ACER3: variants seen among roughly 807,000 people sequenced by gnomAD.
The protein encoded by ACER3 is alkCDase 3.
Under a neutral mutation model 48.9 loss-of-function variants are expected in ACER3, and 16 were observed. The observed-to-expected ratio is 0.33, with a 90% confidence interval of 0.22 to 0.50. The LOEUF (loss-of-function observed/expected upper bound fraction) is 0.50. Among genes scored for constraint, ACER3 ranks in the 20% least tolerant of loss-of-function variants. The pLI is 0.98. For missense variants in ACER3, 227 were observed against 326.0 expected (o/e 0.70, Z 2.34); for synonymous variants, 109 against 107.8 (o/e 1.01, Z -0.07).
At chr11:77,005,867 CAT>C (rs1263785000) in intron 7 of ACER3, among the ~76,000 whole-genome samples, 2 of 149,518 alleles carry the variant, frequency 1.3e-5, no homozygotes, top group Non-Finnish European at 3.0e-5. Flanking sequence ...ATGACTTCAA[CAT>C]ATCTTTTTTA....
rs782027361 is a variant in ACER3 at position 77,015,004 on chromosome 11, T to TC, written c.498-5dup. ...AAAATTTTATTTTGCTTTTCTGTTT[T>TC]CCCCCCCACAGGGTTTATCCATGGC... On this transcript the variant is annotated splice_polypyrimidine_tract_variant and intron_variant, in intron 7 of 10. Coordinates refer to ENST00000532485, the MANE Select transcript of ACER3 (RefSeq NM_018367.7). The TC allele has an allele frequency of 1.6e-4, 231 of 1,484,686 alleles. 2 individuals are homozygous for TC. Among genetic ancestry groups the TC allele is most frequent in the South Asian group, 4.0e-4 (35 of 86,812 alleles). 92.0% of individuals were successfully genotyped at this position (1,484,686 alleles called of 1,614,324 possible).
intron 1 of ACER3, among the ~76,000 whole-genome samples, chr11:76,922,895 TC>T (rs1946723198): frequency 6.6e-6 from 1 of 152,180 alleles, no homozygotes; most frequent in African/African-American, 2.4e-5. Context: ...CTTAATAGGC[TC>T]AGCATATTTT....
chr11:76,940,975 CTGAGT>C (rs1380504325), intron 2 of ACER3, among the ~76,000 whole-genome samples: 2 of 151,548 alleles, frequency 1.3e-5, no homozygotes, highest in African/African-American at 2.4e-5. Context: ...GAATTTTACA[CTGAGT>C]TAAGTCTCCC....
chr11:77,010,734 T>C (rs1361739698), intron 7 of ACER3, among the ~76,000 whole-genome samples: 1 of 152,104 alleles, frequency 6.6e-6, no homozygotes, highest in African/African-American at 2.4e-5. Flanking sequence ...TCCAGAAGTA[T>C]ATAAGTTGAG....
chr11:76,877,929 C>CT (rs35466435), intron 1 of ACER3, among the ~76,000 whole-genome samples: 18 of 149,334 alleles, frequency 1.2e-4, no homozygotes, highest in African/African-American at 4.0e-4. Context: ...CCACAGCTTG[C>CT]TTTTTTTTTT....
chr11:77,026,719 A>G lies in ACER3; in HGVS notation c.*6392A>G, dbSNP rs1555025796. ...GATAATGTATTTTTTCCTGTCTGCT[A>G]TAATGGAGACTATATTTCTGCATTC... is the stretch of plus-strand genomic sequence containing the variant. On this transcript the variant is annotated 3_prime_UTR_variant, in exon 11 of 11. Transcript: ENST00000532485. 2 of 151,946 alleles carry G rather than the reference A, an allele frequency of 1.3e-5. No individual in the cohort carries two copies. Among genetic ancestry groups the G allele is most frequent in the Non-Finnish European group, 2.9e-5 (2 of 68,044 alleles). 9.4% of individuals were successfully genotyped at this position (151,946 alleles called of 1,614,324 possible). A position where few individuals can be genotyped will look rare whatever the true frequency, so the allele number is the denominator to read the frequency against.
intron 1 of ACER3, among the ~76,000 whole-genome samples, chr11:76,864,781 G>A (rs912015282): frequency 6.6e-6 from 1 of 151,360 alleles, no homozygotes; most frequent in Non-Finnish European, 1.5e-5. Context: ...TGTATTTTTA[G>A]TGGAGACGGG....
intron 5 of ACER3, among the ~76,000 whole-genome samples, chr11:76,987,625 A>T (rs1948711390): frequency 6.6e-6 from 1 of 152,120 alleles, no homozygotes; most frequent in Admixed American, 6.6e-5. Context: ...TGACCTGAAA[A>T]AGTAGCATAG....
intron 1 of ACER3, among the ~76,000 whole-genome samples, chr11:76,867,592 A>G (rs7930307): frequency 0.6 from 90,329 of 151,640 alleles, 29,237 homozygotes; most frequent in Non-Finnish European, 0.74. Context: ...TCCCAAAAAC[A>G]TATTTGATCA....
chr11:77,023,181 A>C lies in ACER3; in HGVS notation c.*2854A>C, dbSNP rs1033190389. 4 of 398,448 alleles carry C rather than the reference A, an allele frequency of 1.0e-5. No homozygotes were observed. Among genetic ancestry groups the C allele is most frequent in the African/African-American group, 2.1e-5 (1 of 48,640 alleles). 24.7% of individuals were successfully genotyped at this position (398,448 alleles called of 1,614,324 possible). A position where few individuals can be genotyped will look rare whatever the true frequency, so the allele number is the denominator to read the frequency against. ...AATTAACAGGAAAAACATGTTTTTA[A>C]ATAATCTACAAATGAGAACCCAAAT... On this transcript the variant is annotated 3_prime_UTR_variant, in exon 11 of 11. Coordinates refer to ENST00000532485, the MANE Select transcript of ACER3 (RefSeq NM_018367.7).
intron 9 of ACER3, chr11:77,019,511 C>G: frequency 3.6e-6 from 2 of 551,322 alleles, no homozygotes; most frequent in Non-Finnish European, 6.5e-6. Context: ...TAAAATGGAA[C>G]AACAAAGCCT....
intron 2 of ACER3, among the ~76,000 whole-genome samples, chr11:76,948,730 G>A (rs969914251): frequency 1.3e-5 from 2 of 152,136 alleles, no homozygotes; most frequent in African/African-American, 2.4e-5. Context: ...GATTTAAAAG[G>A]AACTTGTAAT....
chr11:76,861,113 G>A (rs1332699285), intron 1 of ACER3, 34 bp downstream of exon 1: 1 of 1,524,566 alleles, frequency 6.6e-7, no homozygotes, highest in East Asian at 2.5e-5. Context: ...GTGGGGGCGA[G>A]AGGGCACCGG....
intron 1 of ACER3, among the ~76,000 whole-genome samples, chr11:76,890,631 C>G (rs1945780799): frequency 6.6e-6 from 1 of 152,148 alleles, no homozygotes; most frequent in Admixed American, 6.5e-5. Flanking sequence ...ATCACATTAA[C>G]TATTCCTGTA....
intron 2 of ACER3, among the ~76,000 whole-genome samples, chr11:76,954,104 C>T (rs189552728): frequency 9.0e-4 from 137 of 152,198 alleles, no homozygotes; most frequent in African/African-American, 2.1e-3. Flanking sequence ...TGCACCACCA[C>T]GCCCAGCTAA....
At chr11:76,915,453 T>G (rs1946502041) in intron 1 of ACER3, among the ~76,000 whole-genome samples, 1 of 152,028 alleles carries the variant, frequency 6.6e-6, no homozygotes, top group Non-Finnish European at 1.5e-5. Flanking sequence ...CCCGAGATCG[T>G]ACTTCACCAT....
At chr11:77,017,854 T>G (rs1949399703) in intron 9 of ACER3, among the ~76,000 whole-genome samples, 2 of 152,298 alleles carry the variant, frequency 1.3e-5, no homozygotes, top group African/African-American at 4.8e-5. Context: ...CACTTCATGT[T>G]TCTGTGTCTT....
chr11:76,915,211 ATAAGT>A (rs1016960075), intron 1 of ACER3, among the ~76,000 whole-genome samples: 12 of 151,958 alleles, frequency 7.9e-5, no homozygotes, highest in African/African-American at 2.7e-4. Flanking sequence ...AAATAAATAA[ATAAGT>A]TAAAAAAAAA....
intron 2 of ACER3, among the ~76,000 whole-genome samples, chr11:76,954,900 C>A (rs1947795735): frequency 6.6e-6 from 1 of 152,130 alleles, no homozygotes. Flanking sequence ...CCATACCCGG[C>A]CCCCTTTTTG....
Sources: allele counts gnomAD v4.1 joint callset (sites outside exome capture counted in the v4.1 genomes callset), GRCh38; gene constraint gnomAD v4.1.1; transcripts MANE v1.5; gene names NCBI Gene and HGNC (gene_info 2026-07-23, HGNC 2026-07-21).